The following INSR variants were observed in gnomAD, a reference collection of about 807,000 sequenced individuals.
INSR encodes IR.
A neutral mutation model predicts 142.6 loss-of-function variants in INSR; 67 were observed. The observed-to-expected ratio is 0.47, with a 90% CI of 0.39 to 0.58. The LOEUF (loss-of-function observed/expected upper bound fraction) is 0.58, where lower values mean the gene tolerates loss of function less well. Ranked by LOEUF, INSR falls within the 20% of genes least tolerant of loss-of-function variation. INSR has a pLI of 0.00. For missense variants in INSR, 1,248 were observed against 1,833.2 expected, an observed-to-expected ratio of 0.68 and a Z score of 5.83; for synonymous variants, 756 against 743.1, an observed-to-expected ratio of 1.02 and a Z score of -0.28.
rs923056733 is a variant in INSR at position 7,167,910 on chromosome 19, C to A, written c.1610+58G>T. 1.9e-6 allele frequency: 3 copies of A among 1,610,240 alleles called. No individual in the cohort carries two copies. The African/African-American group carries it at 4.0e-5, about 22-fold the overall frequency. On this transcript the variant is annotated intron_variant, in intron 7 of 21. Coordinates refer to ENST00000302850, the MANE Select transcript of INSR (RefSeq NM_000208.4). ...GGGGCAGATTGGAGCACAAACGTAG[C>A]AAGCACAGAGCCAGCCAGCCCTCGC... is the stretch of plus-strand genomic sequence containing the variant.
chr19:7,197,918 A>AGAGT (rs1469853992), intron 2 of INSR, among the ~76,000 whole-genome samples: 2 of 100,218 alleles, frequency 2.0e-5, no homozygotes, highest in Non-Finnish European at 4.2e-5. Context: ...CCAGAGTGAG[A>AGAGT]GTGTGTGTGT....
chr19:7,272,420 C>A (rs1453102741), intron 1 of INSR, among the ~76,000 whole-genome samples: 2 of 152,036 alleles, frequency 1.3e-5, no homozygotes, highest in Non-Finnish European at 2.9e-5. Flanking sequence ...GAGTTGGAGA[C>A]CAGCTTGGCC....
At chr19:7,157,383 G>A (rs1973622343) in intron 9 of INSR, among the ~76,000 whole-genome samples, 1 of 151,662 alleles carries the variant, frequency 6.6e-6, no homozygotes, top group African/African-American at 2.4e-5. Flanking sequence ...CCAAAGTGCT[G>A]GGATTACAGG....
chr19:7,168,086 C>G lies in INSR; in HGVS notation c.1492G>C (p.Glu498Gln). Residue 498 changes from glutamate (E) to glutamine (Q), a missense_variant, in exon 7 of 22, where the codon GAG (glutamate) becomes CAG (glutamine). By Grantham distance (29) the Glu-to-Gln change is conservative (BLOSUM62 2). Transcript: ENST00000302850. The surrounding 1 kb of genome is among the most constrained non-coding windows in gnomAD (Gnocchi z 4.3). ...CGAATGTAAGAAAATTTAAGTAACT[C>G]ATTTTCACCTGGAAAAGTTAAAACA... ...TNGDQASCEN[E>Q]LLKFSYIRTS... 6.2e-7 allele frequency: 1 copy of G among 1,613,920 alleles called. No individual in the cohort carries two copies. The highest frequency in any genetic ancestry group is 8.5e-7 in the Non-Finnish European group (1 of 1,179,906).
intron 2 of INSR, among the ~76,000 whole-genome samples, chr19:7,213,341 C>CAAAAAAA (rs11343255): frequency 6.0e-5 from 6 of 100,614 alleles, no homozygotes; most frequent in Non-Finnish European, 1.2e-4. Flanking sequence ...GACTCCATCT[C>CAAAAAAA]AAAAAAAAAA....
At position 7,218,647 on chromosome 19, in the gene INSR, T is replaced by C. The variant is rs1975509379; in HGVS notation, c.653-34010A>G. 3.9e-5 allele frequency among the ~76,000 whole-genome samples: 6 copies of C among 152,234 alleles called. No homozygotes were observed. In the South Asian group the frequency reaches 1.2e-3, roughly 32 times the overall value. On this transcript the variant is annotated intron_variant, in intron 2 of 21. Transcript: ENST00000302850. ...CCTCTGCCTCCTGGGTTTAAGTGATTCTCCTGCCTCAGCCACCCAAGTCCC... is the reference window on the plus strand; with the variant it reads ...CCTCTGCCTCCTGGGTTTAAGTGATCCTCCTGCCTCAGCCACCCAAGTCCC...
chr19:7,283,627 A>G (rs186631787), intron 1 of INSR, among the ~76,000 whole-genome samples: 1,669 of 152,196 alleles, frequency 0.011, 35 homozygotes, highest in Non-Finnish European at 0.015. Context: ...TTTAGTAGAG[A>G]CGGGGTTTCA....
intron 9 of INSR, among the ~76,000 whole-genome samples, chr19:7,162,681 G>A (rs572581814): frequency 1.7e-4 from 26 of 151,766 alleles, no homozygotes; most frequent in Middle Eastern, 3.4e-3. Context: ...TTAGCCGGGC[G>A]TGGTGGCGCG....
rs1316236788 is a variant in INSR, at chr19:7,114,749, GAGAGTGATTTTC to G, written c.*2295_*2306del. 1 of 152,522 alleles carries G rather than the reference GAGAGTGATTTTC, an allele frequency of 6.6e-6. No individual in the cohort carries two copies. The highest frequency in any genetic ancestry group is 1.9e-4 in the East Asian group (1 of 5,202). 9.4% of individuals were successfully genotyped at this position (152,522 alleles called of 1,614,324 possible). On this transcript the variant is annotated 3_prime_UTR_variant, in exon 22 of 22. Coordinates refer to ENST00000302850, the MANE Select transcript of INSR (RefSeq NM_000208.4). Reference sequence around the variant, plus strand: ...AATTTACATGCGCTCCATTTTTTATGAGAGTGATTTTCAGAGTGATTTTATATATTAAAATAA... The same window carrying G: ...AATTTACATGCGCTCCATTTTTTATGAGAGTGATTTTATATATTAAAATAA...
intron 2 of INSR, among the ~76,000 whole-genome samples, chr19:7,202,094 G>GT (rs1367460148): frequency 2.0e-5 from 3 of 152,138 alleles, no homozygotes; most frequent in Admixed American, 6.6e-5. Flanking sequence ...TTCTGTATCT[G>GT]TTCTATCCAT....
At chr19:7,251,951 C>T (rs1029689861) in intron 2 of INSR, among the ~76,000 whole-genome samples, 2 of 152,106 alleles carry the variant, frequency 1.3e-5, no homozygotes, top group African/African-American at 2.4e-5. Flanking sequence ...ACTGACCCAG[C>T]GATTCCACTC....
At chr19:7,129,475 C>A (rs887492478) in intron 14 of INSR, among the ~76,000 whole-genome samples, 1 of 152,094 alleles carries the variant, frequency 6.6e-6, no homozygotes, top group South Asian at 2.1e-4. Context: ...CAGGCATGCA[C>A]CACCACACCC....
chr19:7,239,335 G>A (rs1976267450), intron 2 of INSR, among the ~76,000 whole-genome samples: 1 of 141,950 alleles, frequency 7.0e-6, no homozygotes, highest in South Asian at 2.2e-4. Flanking sequence ...AGAGGAGGAA[G>A]AGGTAGGAAG....
chr19:7,177,485 C>T (rs1288763746), intron 3 of INSR, among the ~76,000 whole-genome samples: 1 of 152,008 alleles, frequency 6.6e-6, no homozygotes, highest in African/African-American at 2.4e-5. Context: ...TACCAACAAA[C>T]TCCTTTAATC....
intron 2 of INSR, among the ~76,000 whole-genome samples, chr19:7,221,377 AAAGG>A (rs1975606457): frequency 2.2e-5 from 1 of 45,960 alleles, no homozygotes. Flanking sequence ...CTGTCAAAAA[AAAGG>A]AGGAGGAGGA....
At chr19:7,199,654 T>C (rs1974898268) in intron 2 of INSR, among the ~76,000 whole-genome samples, 1 of 147,126 alleles carries the variant, frequency 6.8e-6, no homozygotes. Flanking sequence ...CCACTTTGGC[T>C]CCCCAAAGCG....
intron 4 of INSR, among the ~76,000 whole-genome samples, chr19:7,173,993 G>A (rs1017227229): frequency 1.2e-4 from 18 of 151,788 alleles, no homozygotes; most frequent in African/African-American, 4.1e-4. Flanking sequence ...TAAAAACGAC[G>A]ATTCCAAAGC....
chr19:7,288,760 T>C (rs8102954), intron 1 of INSR, among the ~76,000 whole-genome samples: 103,565 of 150,550 alleles, frequency 0.69, 36,312 homozygotes, highest in African/African-American at 0.84. Context: ...GTCAGGAGTT[T>C]GGGACCAGCC....
intron 10 of INSR, chr19:7,152,391 A>AG (rs1973390608): frequency 3.4e-6 from 1 of 297,922 alleles, no homozygotes; most frequent in African/African-American, 2.6e-5. Flanking sequence ...AAAAAAAAAA[A>AG]AAAGAGAGAG....
Sources: allele counts gnomAD v4.1 joint callset (sites outside exome capture counted in the v4.1 genomes callset), GRCh38; gene constraint gnomAD v4.1.1; non-coding constraint Gnocchi (gnomAD v3.1); transcripts MANE v1.5; gene names NCBI Gene and HGNC (gene_info 2026-07-23, HGNC 2026-07-21).